The following DEPTOR variants were observed in gnomAD, a reference collection of about 807,000 sequenced individuals.
DEPTOR encodes the protein DEP domain-containing mTOR-interacting protein.
A neutral mutation model predicts 41.6 loss-of-function variants in DEPTOR; 41 were observed. The observed-to-expected ratio is 0.98, with a 90% confidence interval of 0.77 to 1.28. The LOEUF is 1.28. Ranked by LOEUF, DEPTOR falls within the 50% of genes most tolerant of loss-of-function variation. The probability of loss-of-function intolerance (pLI) is 0.00; values close to 1 mark genes in which losing one functional copy is unlikely to be tolerated. For synonymous variants in DEPTOR, 195 were observed against 192.3 expected, an observed-to-expected ratio of 1.01 and a Z score of -0.12; for missense variants, 514 against 527.9, an observed-to-expected ratio of 0.97 and a Z score of 0.26.
At chr8:119,934,756 C>G (rs1356114528) in intron 3 of DEPTOR, among the ~76,000 whole-genome samples, 1 of 152,200 alleles carries the variant, frequency 6.6e-6, no homozygotes, top group Admixed American at 6.5e-5. Context: ...CTTTGCATAG[C>G]AGATAACAGC....
chr8:120,040,067 C>A (rs995994594), intron 8 of DEPTOR, among the ~76,000 whole-genome samples: 1 of 152,016 alleles, frequency 6.6e-6, no homozygotes, highest in Admixed American at 6.6e-5. Context: ...TGGTCTCGAA[C>A]TCCTGACTCC....
chr8:119,935,221 T>C (rs139937185), intron 3 of DEPTOR, among the ~76,000 whole-genome samples: 53 of 152,314 alleles, frequency 3.5e-4, no homozygotes, highest in African/African-American at 9.9e-4. Context: ...TGGGCACAAG[T>C]ACCCAAGACA....
chr8:120,018,593 G>A (rs887298459), intron 8 of DEPTOR, among the ~76,000 whole-genome samples: 1 of 152,098 alleles, frequency 6.6e-6, no homozygotes, highest in Non-Finnish European at 1.5e-5. Context: ...AAAAAAAAAT[G>A]TAGTTCCTTT....
At chr8:119,965,458 A>G in intron 4 of DEPTOR, 48 bp downstream of exon 4, 1 of 1,589,744 alleles carries the variant, frequency 6.3e-7, no homozygotes, top group South Asian at 1.1e-5. Context: ...AGCCAGCCCC[A>G]AATCTTGTGT....
chr8:119,896,438 C>T (rs1287898456), intron 1 of DEPTOR, among the ~76,000 whole-genome samples: 3 of 152,112 alleles, frequency 2.0e-5, no homozygotes, highest in Admixed American at 2.0e-4. Flanking sequence ...GGAGATGCCC[C>T]AGCTATTGTG....
chr8:119,959,932 AGG>A (rs1828468486), intron 3 of DEPTOR, among the ~76,000 whole-genome samples: 1 of 152,048 alleles, frequency 6.6e-6, no homozygotes, highest in Non-Finnish European at 1.5e-5. Context: ...ACTCTTAATA[AGG>A]GTGTACATTC....
chr8:120,002,776 C>T (rs1260906545), intron 5 of DEPTOR, among the ~76,000 whole-genome samples: 1 of 54,460 alleles, frequency 1.8e-5, no homozygotes, highest in Non-Finnish European at 3.3e-5. Flanking sequence ...GACTCCATCT[C>T]AAAAAAAAAA....
intron 5 of DEPTOR, among the ~76,000 whole-genome samples, chr8:120,002,039 T>G (rs796847395): frequency 2.6e-5 from 4 of 152,212 alleles, no homozygotes; most frequent in African/African-American, 9.6e-5. Context: ...GAGGCTGAGG[T>G]GGGAGAATCA....
chr8:120,039,009 G>C (rs956019262), intron 8 of DEPTOR, among the ~76,000 whole-genome samples: 1 of 152,186 alleles, frequency 6.6e-6, no homozygotes, highest in Non-Finnish European at 1.5e-5. Flanking sequence ...GTAGTCTGGG[G>C]ATATGAACTA....
chr8:119,930,778 T>C (rs1002432959), intron 3 of DEPTOR, among the ~76,000 whole-genome samples: 3 of 152,162 alleles, frequency 2.0e-5, no homozygotes, highest in Non-Finnish European at 4.4e-5. Flanking sequence ...TCTGGGTTGA[T>C]CTGCTACTTC....
chr8:119,976,939 A>G (rs887373515), intron 4 of DEPTOR, among the ~76,000 whole-genome samples: 8 of 152,182 alleles, frequency 5.3e-5, no homozygotes, highest in African/African-American at 1.9e-4. Context: ...CTTTACTGCT[A>G]TTAACTCATT....
intron 1 of DEPTOR, among the ~76,000 whole-genome samples, chr8:119,926,466 G>A (rs1827965249): frequency 1.3e-5 from 2 of 152,168 alleles, no homozygotes; most frequent in Non-Finnish European, 2.9e-5. Context: ...AAAATGCAGA[G>A]TGCCCTCTAA....
intron 8 of DEPTOR, among the ~76,000 whole-genome samples, chr8:120,020,420 G>C (rs1812683062): frequency 6.6e-6 from 1 of 152,140 alleles, no homozygotes; most frequent in African/African-American, 2.4e-5. Flanking sequence ...TTGTTACCCA[G>C]ACTGGAGTGC....
At chr8:119,909,348 T>G (rs1173712077) in intron 1 of DEPTOR, among the ~76,000 whole-genome samples, 1 of 152,204 alleles carries the variant, frequency 6.6e-6, no homozygotes, top group African/African-American at 2.4e-5. Context: ...CTAGCTATCT[T>G]TAGAAGACAC....
chr8:119,959,161 T>TC (rs1401843567), intron 3 of DEPTOR, among the ~76,000 whole-genome samples: 533 of 131,470 alleles, frequency 4.1e-3, no homozygotes, highest in African/African-American at 0.015. Context: ...TTTCTTTCTT[T>TC]TTTTTTTTTT....
chr8:119,980,656 T>C (rs535516481), intron 4 of DEPTOR, among the ~76,000 whole-genome samples: 196 of 152,030 alleles, frequency 1.3e-3, no homozygotes, highest in African/African-American at 4.6e-3. Context: ...CAGCTGGGAT[T>C]ACAGGCATGT....
chr8:119,882,650 C>G (rs1049661396), intron 1 of DEPTOR, among the ~76,000 whole-genome samples: 2 of 152,062 alleles, frequency 1.3e-5, no homozygotes, highest in Non-Finnish European at 2.9e-5. Flanking sequence ...CTCCAGCAAT[C>G]CTCCCACCTC....
intron 8 of DEPTOR, among the ~76,000 whole-genome samples, chr8:120,021,174 G>A (rs894215540): frequency 9.9e-5 from 15 of 151,394 alleles, no homozygotes; most frequent in African/African-American, 2.9e-4. Flanking sequence ...AGGCCAAGGC[G>A]GGCAGATTAC....
At chr8:119,952,868 G>A (rs1421877900) in intron 3 of DEPTOR, among the ~76,000 whole-genome samples, 1 of 152,204 alleles carries the variant, frequency 6.6e-6, no homozygotes, top group Non-Finnish European at 1.5e-5. Flanking sequence ...GCTGGTGAAG[G>A]AGGGTAGAAG....
Sources: allele counts gnomAD v4.1 joint callset (sites outside exome capture counted in the v4.1 genomes callset), GRCh38; gene constraint gnomAD v4.1.1; transcripts MANE v1.5; gene names NCBI Gene and HGNC (gene_info 2026-07-23, HGNC 2026-07-21).